MARCHF1: variants seen among roughly 807,000 people sequenced by gnomAD.
The protein encoded by MARCHF1 is E3 ubiquitin-protein ligase MARCHF1.
MARCHF1 carries 40 observed loss-of-function variants against 54.2 expected under a neutral mutation model. The ratio of observed to expected loss-of-function variants is 0.74; its 90% CI spans 0.57 to 0.96. MARCHF1 has a LOEUF of 0.96. Among genes scored for constraint, MARCHF1 ranks in the 40% least tolerant of loss-of-function variants. The probability of loss-of-function intolerance (pLI) is 0.00; values close to 1 mark genes in which losing one functional copy is unlikely to be tolerated. For missense variants in MARCHF1, 586 were observed against 656.5 expected (o/e 0.89, Z 1.17); for synonymous variants, 236 against 236.3 (o/e 1.00, Z 0.01).
intron 8 of MARCHF1, among the ~76,000 whole-genome samples, chr4:163,563,262 G>A (rs78554052): frequency 0.057 from 8,743 of 152,184 alleles, 376 homozygotes; most frequent in South Asian, 0.14. Flanking sequence ...CAACCTTTCT[G>A]TGGTGGACAT....
intron 2 of MARCHF1, among the ~76,000 whole-genome samples, chr4:164,024,298 G>T (rs959500596): frequency 6.6e-6 from 1 of 151,974 alleles, no homozygotes; most frequent in Non-Finnish European, 1.5e-5. Context: ...ATTCTCCAAG[G>T]TCAACGTGAA....
intron 4 of MARCHF1, among the ~76,000 whole-genome samples, chr4:163,800,928 T>C (rs774262733): frequency 3.3e-5 from 5 of 151,968 alleles, no homozygotes; most frequent in Admixed American, 6.6e-5. Flanking sequence ...AACTGAGAAG[T>C]TCAAGGTGTC....
chr4:164,228,986 A>G (rs1338545535), intron 1 of MARCHF1, among the ~76,000 whole-genome samples: 3 of 152,214 alleles, frequency 2.0e-5, no homozygotes, highest in Non-Finnish European at 2.9e-5. Context: ...TTGTGAGTAC[A>G]TGCTAAGGCA....
chr4:164,322,648 A>G (rs1038339359), intron 1 of MARCHF1, among the ~76,000 whole-genome samples: 1 of 152,104 alleles, frequency 6.6e-6, no homozygotes, highest in Non-Finnish European at 1.5e-5. Context: ...CTTGTTTTAC[A>G]TTGCATGCCT....
At chr4:163,575,319 G>T (rs992860054) in intron 8 of MARCHF1, among the ~76,000 whole-genome samples, 5 of 151,994 alleles carry the variant, frequency 3.3e-5, no homozygotes, top group Non-Finnish European at 5.9e-5. Context: ...TGACCATATG[G>T]TTTTTGTTTT....
intron 3 of MARCHF1, among the ~76,000 whole-genome samples, chr4:163,855,321 T>C (rs1322396367): frequency 1.3e-5 from 2 of 152,120 alleles, no homozygotes; most frequent in Non-Finnish European, 2.9e-5. Context: ...TACAGAGAAA[T>C]GATAAAGGGA....
At chr4:163,598,690 C>G (rs529763730) in intron 7 of MARCHF1, among the ~76,000 whole-genome samples, 28 of 152,262 alleles carry the variant, frequency 1.8e-4, no homozygotes, top group Non-Finnish European at 3.4e-4. Context: ...GCTTACAGAA[C>G]TGGAAGTTGT....
At chr4:164,366,733 G>A (rs1259833547) in intron 1 of MARCHF1, among the ~76,000 whole-genome samples, 2 of 151,318 alleles carry the variant, frequency 1.3e-5, no homozygotes, top group East Asian at 3.9e-4. Flanking sequence ...GTATGTTTCA[G>A]CATATTAAAT....
chr4:163,897,077 C>G (rs1033059825), intron 3 of MARCHF1, among the ~76,000 whole-genome samples: 8 of 152,150 alleles, frequency 5.3e-5, no homozygotes, highest in Non-Finnish European at 1.2e-4. Context: ...ACATAGTGGT[C>G]TGTAAATCTC....
At chr4:163,711,477 G>A (rs559344128) in intron 4 of MARCHF1, among the ~76,000 whole-genome samples, 1 of 152,274 alleles carries the variant, frequency 6.6e-6, no homozygotes, top group East Asian at 1.9e-4. Context: ...ACACCCGGTT[G>A]GATCTCACCA....
At chr4:163,648,280 A>G (rs1742832187) in intron 5 of MARCHF1, among the ~76,000 whole-genome samples, 1 of 151,966 alleles carries the variant, frequency 6.6e-6, no homozygotes, top group Non-Finnish European at 1.5e-5. Context: ...CCAAGTAGAA[A>G]TGTACCTTCA....
intron 1 of MARCHF1, among the ~76,000 whole-genome samples, chr4:164,246,839 CA>C (rs1732962936): frequency 7.8e-6 from 1 of 128,478 alleles, no homozygotes; most frequent in Admixed American, 8.6e-5. Flanking sequence ...TTTATGCAGC[CA>C]AAAAACACAT....
chr4:163,869,299 C>G (rs1012757070), intron 3 of MARCHF1, among the ~76,000 whole-genome samples: 1 of 152,068 alleles, frequency 6.6e-6, no homozygotes, highest in Non-Finnish European at 1.5e-5. Flanking sequence ...TAGGTATAAA[C>G]AGAAGGCTGT....
In MARCHF1 at chr4:163,691,255, A is replaced by AT. The variant is rs1408006556; in HGVS notation, c.162+9557dup. On this transcript the variant is annotated intron_variant, in intron 5 of 9. Transcript: ENST00000514618. The stretch of plus-strand genomic sequence containing the variant: ...ATGATCATATATTCACTGCCACACC[A>AT]TTTTTTGCTATAAGGTGAATCCCTG... 2.0e-5 allele frequency among the ~76,000 whole-genome samples: 3 copies of AT among 152,180 alleles called. No individual in the cohort carries two copies. The South Asian group carries it at 6.2e-4, about 32-fold the overall frequency.
chr4:164,143,620 G>A (rs543355479), intron 1 of MARCHF1, among the ~76,000 whole-genome samples: 1 of 152,082 alleles, frequency 6.6e-6, no homozygotes, highest in Non-Finnish European at 1.5e-5. Context: ...ACAAGCAAAT[G>A]CTGAGAGATT....
rs1738099439 is a variant in MARCHF1, at chr4:163,526,215, T to TA, written c.*2532dup. The TA allele has an allele frequency of 6.6e-6, 1 of 152,132 alleles. No individual in the cohort carries two copies. The allele number at this position is 152,132 out of a possible 1,614,324, so 9.4% of individuals were successfully genotyped here. ...GCTTTTTATTCTAGAAATGTTTTCT[T>TA]AGTGTTAAAAGTGTAGCCCTTAATA... is the stretch of plus-strand genomic sequence containing the variant. On this transcript the variant is annotated 3_prime_UTR_variant, in exon 10 of 10. Transcript: ENST00000514618.
At chr4:163,937,452 C>A (rs1434374752) in intron 3 of MARCHF1, among the ~76,000 whole-genome samples, 1 of 151,676 alleles carries the variant, frequency 6.6e-6, no homozygotes, top group Non-Finnish European at 1.5e-5. Context: ...CCTAGGATAT[C>A]TGAATCCTCA....
intron 3 of MARCHF1, among the ~76,000 whole-genome samples, chr4:163,866,623 A>C (rs1321171765): frequency 6.6e-6 from 1 of 151,322 alleles, no homozygotes; most frequent in African/African-American, 2.4e-5. Context: ...CTAAAAGTTA[A>C]GGGCAAAATT....
intron 1 of MARCHF1, among the ~76,000 whole-genome samples, chr4:164,343,519 C>CA (rs1729987452): frequency 6.6e-6 from 1 of 151,814 alleles, no homozygotes; most frequent in African/African-American, 2.4e-5. Context: ...AATTAACAAG[C>CA]AAAAAATTAA....
Sources: gnomAD v4.1 joint callset for allele counts (sites outside exome capture counted in the v4.1 genomes callset) on GRCh38, gnomAD v4.1.1 for gene constraint, MANE v1.5 for transcripts, NCBI Gene and HGNC (gene_info 2026-07-23, HGNC 2026-07-21) for gene names.